UMAD1: variants seen among roughly 807,000 people sequenced by gnomAD.
The protein encoded by UMAD1 is UBAP1-MVB12-associated (UMA) domain containing 1.
UMAD1 carries 8 observed loss-of-function variants against 6.1 expected under a neutral mutation model. The ratio of observed to expected loss-of-function variants is 1.30; its 90% CI spans 0.76 to 2.35. The LOEUF is 2.35. Ranked by LOEUF, UMAD1 falls within the 30% of genes most tolerant of loss-of-function variation. The pLI, the probability that UMAD1 is intolerant of heterozygous loss-of-function variation, is 0.00. For missense variants in UMAD1, 130 were observed against 78.4 expected, an observed-to-expected ratio of 1.66 and a Z score of -2.49; for synonymous variants, 56 against 31.4, an observed-to-expected ratio of 1.78 and a Z score of -2.61.
chr7:7,754,837 A>G (rs1379280225), intron 2 of UMAD1, among the ~76,000 whole-genome samples: 1 of 152,104 alleles, frequency 6.6e-6, no homozygotes, highest in East Asian at 1.9e-4. Context: ...GTATATACAT[A>G]TTTTTTTCCA....
intron 2 of UMAD1, among the ~76,000 whole-genome samples, chr7:7,737,254 C>T (rs576451523): frequency 6.6e-6 from 1 of 152,332 alleles, no homozygotes; most frequent in South Asian, 2.1e-4. Flanking sequence ...ATTAACCTCT[C>T]TGGGCTTCAG....
At chr7:7,806,367 A>G (rs1308669321) in intron 3 of UMAD1, among the ~76,000 whole-genome samples, 1 of 152,010 alleles carries the variant, frequency 6.6e-6, no homozygotes, top group African/African-American at 2.4e-5. Context: ...CCAGCCAGAG[A>G]CAACCCCAAT....
chr7:7,689,712 C>G (rs552438865), intron 2 of UMAD1, among the ~76,000 whole-genome samples: 1 of 152,138 alleles, frequency 6.6e-6, no homozygotes, highest in South Asian at 2.1e-4. Flanking sequence ...TTTCTAAACT[C>G]AAAACAATTG....
At chr7:7,836,733 A>G (rs1783579566) in intron 3 of UMAD1, among the ~76,000 whole-genome samples, 1 of 151,998 alleles carries the variant, frequency 6.6e-6, no homozygotes, top group African/African-American at 2.4e-5. Context: ...GCATAGGTTA[A>G]AGAGTATATT....
chr7:7,723,249 C>T (rs902635670), intron 2 of UMAD1, among the ~76,000 whole-genome samples: 9 of 152,078 alleles, frequency 5.9e-5, no homozygotes, highest in South Asian at 2.1e-4. Context: ...GGAGAACAGG[C>T]GTGGGAATTG....
chr7:7,687,754 T>A (rs1780074415), intron 2 of UMAD1, among the ~76,000 whole-genome samples: 1 of 152,234 alleles, frequency 6.6e-6, no homozygotes, highest in Non-Finnish European at 1.5e-5. Context: ...CACACACATA[T>A]TTTTAATGAT....
intron 1 of UMAD1, among the ~76,000 whole-genome samples, chr7:7,662,890 ATATT>A (rs1346306070): frequency 6.6e-6 from 1 of 152,224 alleles, no homozygotes. Flanking sequence ...CAACATGTAA[ATATT>A]TATAGTATGC....
At chr7:7,649,175 A>AAAAAAAAAAAAG (rs1563082634) in intron 1 of UMAD1, among the ~76,000 whole-genome samples, 2 of 104,598 alleles carry the variant, frequency 1.9e-5, no homozygotes, top group Non-Finnish European at 3.7e-5. Flanking sequence ...AAAAAAAAAA[A>AAAAAAAAAAAAG]AAAAGAAAAG....
chr7:7,833,705 T>G (rs1039655959), intron 3 of UMAD1, among the ~76,000 whole-genome samples: 4 of 152,158 alleles, frequency 2.6e-5, no homozygotes, highest in African/African-American at 9.7e-5. Flanking sequence ...ACCTTTACAC[T>G]GTGAAAAACG....
intron 1 of UMAD1, among the ~76,000 whole-genome samples, chr7:7,648,832 G>A (rs1246238616): frequency 6.6e-6 from 1 of 150,938 alleles, no homozygotes; most frequent in Non-Finnish European, 1.5e-5. Flanking sequence ...CAGCCTGGGC[G>A]ACAGAGTGAG....
intron 2 of UMAD1, among the ~76,000 whole-genome samples, chr7:7,715,607 G>A (rs983714536): frequency 2.6e-5 from 4 of 151,956 alleles, no homozygotes; most frequent in African/African-American, 9.7e-5. Context: ...ATTCAAATGA[G>A]GATAAAGTTT....
At chr7:7,814,717 T>C (rs1783090981) in intron 3 of UMAD1, among the ~76,000 whole-genome samples, 1 of 152,210 alleles carries the variant, frequency 6.6e-6, no homozygotes, top group Non-Finnish European at 1.5e-5. Flanking sequence ...TGCTCCTCTT[T>C]CAAATCTCTG....
At chr7:7,706,918 A>G (rs28912696) in intron 2 of UMAD1, among the ~76,000 whole-genome samples, 4,181 of 152,276 alleles carry the variant, frequency 0.027, 114 homozygotes, top group South Asian at 0.096. Context: ...CTAAGATCCT[A>G]ACAGAGGCCC....
chr7:7,644,591 T>G (rs1421915155), intron 1 of UMAD1, among the ~76,000 whole-genome samples: 1 of 152,224 alleles, frequency 6.6e-6, no homozygotes, highest in Non-Finnish European at 1.5e-5. Context: ...ATCTCTGTTT[T>G]GTTTTAATTT....
At chr7:7,658,892 G>C (rs1396979491) in intron 1 of UMAD1, among the ~76,000 whole-genome samples, 1 of 152,082 alleles carries the variant, frequency 6.6e-6, no homozygotes, top group Admixed American at 6.5e-5. Context: ...ACCAGCTCCT[G>C]TTTGTACCTC....
chr7:7,661,069 T>C (rs1190005998), intron 1 of UMAD1, among the ~76,000 whole-genome samples: 1 of 152,168 alleles, frequency 6.6e-6, no homozygotes, highest in East Asian at 1.9e-4. Flanking sequence ...AAGTTGATCT[T>C]TAATCTCTGA....
intron 2 of UMAD1, chr7:7,685,924 C>T: frequency 6.6e-6 from 1 of 152,114 alleles, no homozygotes; most frequent in East Asian, 1.9e-4. Flanking sequence ...AGTGAACATT[C>T]TTGAGCACTT....
At chr7:7,874,928 A>T (rs115118489) in intron 3 of UMAD1, among the ~76,000 whole-genome samples, 531 of 151,806 alleles carry the variant, frequency 3.5e-3, no homozygotes, top group African/African-American at 0.012. Context: ...AGCAAGTTAC[A>T]CCCTTATGAA....
rs560033029 is a variant in UMAD1, at chr7:7,838,241, C to T, written c.156+36498C>T. On this transcript the variant is annotated intron_variant, in intron 3 of 3. Transcript: ENST00000682710. ...ATTCCTCTTTGCACCATACTTAGCT[C>T]ATTGGGCCATACAACAACAGGCTAA... Among the ~76,000 whole-genome samples the T allele has an allele frequency of 2.0e-5, 3 of 152,016 alleles. No individual in the cohort carries two copies. The East Asian group carries it at 5.8e-4, about 29-fold the overall frequency.
Sources: allele counts gnomAD v4.1 joint callset (sites outside exome capture counted in the v4.1 genomes callset), GRCh38; gene constraint gnomAD v4.1.1; transcripts MANE v1.5; gene names NCBI Gene and HGNC (gene_info 2026-07-23, HGNC 2026-07-21).